The following MGARP variants were observed in gnomAD, a reference collection of about 807,000 sequenced individuals.
The protein encoded by MGARP is mitochondria localized glutamic acid rich protein.
Under a neutral mutation model 11.0 loss-of-function variants are expected in MGARP, and 12 were observed. The observed-to-expected ratio is 1.09, with a 90% CI of 0.70 to 1.77. MGARP has a LOEUF of 1.77. MGARP is among the 40% of genes most tolerant of loss of function. The probability of loss-of-function intolerance (pLI) is 0.00; values close to 1 mark genes in which losing one functional copy is unlikely to be tolerated. For missense variants in MGARP, 283 were observed against 297.8 expected, an observed-to-expected ratio of 0.95 and a Z score of 0.36; for synonymous variants, 110 against 115.4, an observed-to-expected ratio of 0.95 and a Z score of 0.30.
chr4:139,278,778 T>G (rs1173996361), intron 1 of MGARP, among the ~76,000 whole-genome samples: 1 of 152,174 alleles, frequency 6.6e-6, no homozygotes, highest in Non-Finnish European at 1.5e-5. Flanking sequence ...ATTTAAAAGC[T>G]CTATATCATT....
intron 1 of MGARP, 145 bp from the exon 2 acceptor site, chr4:139,275,537 C>T (rs914392223): frequency 8.6e-5 from 53 of 619,288 alleles, no homozygotes; most frequent in Middle Eastern, 8.0e-4. Context: ...TACAGTATTA[C>T]GAGGCTGGGT....
intron 1 of MGARP, among the ~76,000 whole-genome samples, chr4:139,276,798 C>T (rs1301747793): frequency 6.6e-6 from 1 of 152,092 alleles, no homozygotes; most frequent in Non-Finnish European, 1.5e-5. Flanking sequence ...GATTGTACCA[C>T]TGCTCTCCAG....
chr4:139,269,696 C>T (rs1302143162), intron 2 of MGARP, among the ~76,000 whole-genome samples: 2 of 150,078 alleles, frequency 1.3e-5, no homozygotes, highest in African/African-American at 4.9e-5. Flanking sequence ...ATTTTAATCA[C>T]AGACAAAATG....
Position 139,266,532 on chromosome 4 carries a change from T to C in MGARP, c.*67A>G. 14 of 1,399,014 alleles carry C rather than the reference T, an allele frequency of 1.0e-5. No homozygotes were observed. The highest frequency in any genetic ancestry group is 1.3e-5 in the Non-Finnish European group (14 of 1,040,944). The allele number at this position is 1,399,014 out of a possible 1,614,324, so 86.7% of individuals were successfully genotyped here. A position where few individuals can be genotyped will look rare whatever the true frequency, so the allele number is the denominator to read the frequency against. ...CTTTTTTTTTTTAAACTAAGTGTAC[T>C]AAAAACACAAAAGCACTTATCAGAC... On this transcript the variant is annotated 3_prime_UTR_variant, in exon 4 of 4. Coordinates refer to ENST00000398955, the MANE Select transcript of MGARP (RefSeq NM_032623.4).
intron 2 of MGARP, among the ~76,000 whole-genome samples, chr4:139,273,121 G>T (rs148732813): frequency 2.0e-5 from 3 of 152,114 alleles, no homozygotes; most frequent in African/African-American, 7.2e-5. Flanking sequence ...GGCCAGGCAG[G>T]TCTCAAACTC....
chr4:139,276,400 G>C (rs1744874623), intron 1 of MGARP, among the ~76,000 whole-genome samples: 1 of 152,184 alleles, frequency 6.6e-6, no homozygotes. Flanking sequence ...AACTCAACTA[G>C]CTGGCCAAGG....
chr4:139,270,770 A>G (rs1454170552), intron 2 of MGARP, among the ~76,000 whole-genome samples: 1 of 152,180 alleles, frequency 6.6e-6, no homozygotes, highest in Non-Finnish European at 1.5e-5. Flanking sequence ...ATGATAATCA[A>G]CATTTTCTGT....
chr4:139,280,028 T>C (rs767942648), intron 1 of MGARP, 49 bp downstream of exon 1: 7 of 1,597,046 alleles, frequency 4.4e-6, no homozygotes, highest in Admixed American at 1.7e-5. Flanking sequence ...GGGCGAAATC[T>C]GCACCCGAGG....
At chr4:139,273,904 A>G (rs1744826637) in intron 2 of MGARP, among the ~76,000 whole-genome samples, 1 of 152,228 alleles carries the variant, frequency 6.6e-6, no homozygotes, top group South Asian at 2.1e-4. Context: ...TTAACTAAAA[A>G]ATGTCTGTCA....
At chr4:139,276,284 T>TA (rs1744872788) in intron 1 of MGARP, among the ~76,000 whole-genome samples, 1 of 152,226 alleles carries the variant, frequency 6.6e-6, no homozygotes, top group South Asian at 2.1e-4. Flanking sequence ...ATAAGGTCCC[T>TA]AGTCTCAAGC....
intron 3 of MGARP, among the ~76,000 whole-genome samples, chr4:139,267,277 A>G (rs1450704199): frequency 6.6e-6 from 1 of 152,112 alleles, no homozygotes; most frequent in Admixed American, 6.6e-5. Context: ...AGATAATTGT[A>G]TTTGCAAAAA....
At chr4:139,271,924 C>CGTT (rs1744788170) in intron 2 of MGARP, among the ~76,000 whole-genome samples, 1 of 152,154 alleles carries the variant, frequency 6.6e-6, no homozygotes, top group African/African-American at 2.4e-5. Flanking sequence ...CTTTTGCAAC[C>CGTT]AGTGAGTTAG....
chr4:139,271,292 G>A (rs1744777142), intron 2 of MGARP, among the ~76,000 whole-genome samples: 1 of 152,140 alleles, frequency 6.6e-6, no homozygotes, highest in Non-Finnish European at 1.5e-5. Context: ...TTGGGAGGCC[G>A]AGGCGGGTGG....
At chr4:139,272,178 G>A (rs1178652828) in intron 2 of MGARP, among the ~76,000 whole-genome samples, 1 of 152,008 alleles carries the variant, frequency 6.6e-6, no homozygotes, top group Non-Finnish European at 1.5e-5. Context: ...TGGCAGATTA[G>A]TAGAGGACAA....
In MGARP at chr4:139,266,482, C is replaced by G; in HGVS notation, c.*117G>C. On this transcript the variant is annotated 3_prime_UTR_variant, in exon 4 of 4. Transcript: ENST00000398955. ...GTGGATGCCAAAAATCTTCAAGACC[C>G]ATTAACGTTTTCTAGAAAATAAGTC... 1 of 974,248 alleles carries G rather than the reference C, an allele frequency of 1.0e-6. No homozygotes were observed. The highest frequency in any genetic ancestry group is 1.5e-6 in the Non-Finnish European group (1 of 678,010). 60.4% of individuals were successfully genotyped at this position (974,248 alleles called of 1,614,324 possible). A position where few individuals can be genotyped will look rare whatever the true frequency, so the allele number is the denominator to read the frequency against.
intron 2 of MGARP, among the ~76,000 whole-genome samples, chr4:139,270,024 G>A (rs983946355): frequency 1.3e-5 from 2 of 152,038 alleles, no homozygotes; most frequent in Non-Finnish European, 2.9e-5. Flanking sequence ...TGTCGGGGCC[G>A]GGTGCAATGG....
chr4:139,276,847 TTAAAA>T lies in MGARP; in HGVS notation c.83-1460_83-1456del, dbSNP rs199656882. ...GAAAGGTTCTGTTCCAAAAAAATAA[TTAAAA>T]TAAAATAAAATGCTTGGGACCAGAA... is the stretch of plus-strand genomic sequence containing the variant. On this transcript the variant is annotated intron_variant, in intron 1 of 3. Transcript: ENST00000398955. 8.5e-3 allele frequency among the ~76,000 whole-genome samples: 1,288 copies of T among 152,206 alleles called. 20 individuals are homozygous for T. Among genetic ancestry groups the T allele is most frequent in the African/African-American group, 0.03 (1,233 of 41,526 alleles).
chr4:139,272,780 C>T (rs1046234599), intron 2 of MGARP, among the ~76,000 whole-genome samples: 3 of 149,430 alleles, frequency 2.0e-5, no homozygotes, highest in Admixed American at 6.7e-5. Flanking sequence ...TCCGCCTCCC[C>T]GGTTCAAGCA....
rs1039032383 is a variant in MGARP, at chr4:139,266,854, G to A, written c.468C>T (p.Thr156=). The change falls in exon 4 of 4, where the codon ACC becomes ACT. Residue 156 remains threonine, a synonymous_variant. Coordinates refer to ENST00000398955, the MANE Select transcript of MGARP (RefSeq NM_032623.4). Reference sequence around the variant, plus strand: ...CCGCTGCATCTGTGACCTCTGGCCCGGTTTCAGCACTGACTGCTGTGGTCT... The same window carrying A: ...CCGCTGCATCTGTGACCTCTGGCCCAGTTTCAGCACTGACTGCTGTGGTCT... ...APETTAVSAE[T]GPEVTDAAAR... 1 of 1,614,108 alleles carries A rather than the reference G, an allele frequency of 6.2e-7. No individual in the cohort carries two copies. Among genetic ancestry groups the A allele is most frequent in the Non-Finnish European group, 8.5e-7 (1 of 1,180,028 alleles).
Sources: allele counts gnomAD v4.1 joint callset (sites outside exome capture counted in the v4.1 genomes callset), GRCh38; gene constraint gnomAD v4.1.1; transcripts MANE v1.5; gene names NCBI Gene and HGNC (gene_info 2026-07-23, HGNC 2026-07-21).